MPO: variants seen among roughly 807,000 people sequenced by gnomAD.
The protein encoded by MPO is myeloperoxidase.
MPO carries 57 observed loss-of-function variants against 69.4 expected under a neutral mutation model. The observed-to-expected ratio is 0.82, with a 90% CI of 0.66 to 1.02. The LOEUF (loss-of-function observed/expected upper bound fraction) is 1.02, where lower values mean the gene tolerates loss of function less well. Ranked by LOEUF, MPO falls within the 50% of genes least tolerant of loss-of-function variation. MPO has a pLI of 0.00. For synonymous variants in MPO, 426 were observed against 417.1 expected (o/e 1.02, Z -0.26); for missense variants, 971 against 1,014.1 (o/e 0.96, Z 0.58).
At chr17:58,273,367 C>A (rs1283432099) in intron 9 of MPO, 47 bp downstream of exon 9, 1 of 1,613,674 alleles carries the variant, frequency 6.2e-7, no homozygotes, top group Admixed American at 1.7e-5. Flanking sequence ...ATCCCTACCC[C>A]ACCTTTAGCT....
chr17:58,277,501 C>T (rs1242822713), intron 7 of MPO, among the ~76,000 whole-genome samples: 1 of 152,200 alleles, frequency 6.6e-6, no homozygotes, highest in African/African-American at 2.4e-5. Context: ...CTTTAGTTCC[C>T]TGCCCCTGAG....
At position 58,275,462 on chromosome 17, in the gene MPO, G is replaced by A. The variant is rs1970424453; in HGVS notation, c.1365+80C>T. Reference sequence around the variant, plus strand: ...AGAAGGCAAGGCTCAGGAGCGTTAGGAACTTGCCCAAGGTCACACAGCTAG... The same window carrying A: ...AGAAGGCAAGGCTCAGGAGCGTTAGAAACTTGCCCAAGGTCACACAGCTAG... On this transcript the variant is annotated intron_variant, in intron 8 of 11. Transcript: ENST00000225275. This position sits in a 1 kb window ranked among gnomAD's most constrained non-coding sequence, Gnocchi z 4.1. 7.0e-6 allele frequency: 11 copies of A among 1,580,008 alleles called. No homozygotes were observed. The highest frequency in any genetic ancestry group is 8.7e-6 in the Non-Finnish European group (10 of 1,150,544).
chr17:58,278,756 A>T, intron 6 of MPO: 1 of 589,878 alleles, frequency 1.7e-6, no homozygotes, highest in Non-Finnish European at 3.0e-6. Flanking sequence ...TCAGCCAAGG[A>T]GGAACAACCC....
chr17:58,279,647 C>A lies in MPO; in HGVS notation c.425-1G>T. On this transcript the variant is annotated splice_acceptor_variant, in intron 3 of 11. Coordinates refer to ENST00000225275, the MANE Select transcript of MPO (RefSeq NM_000250.2). LOFTEE classifies it high-confidence loss of function. ...TTCAGCTGGGCGGGCGTCAGCACAT[C>A]TGCCGGGGGAAAGAACAATGGGGGA... 1 of 1,614,126 alleles carries A rather than the reference C, an allele frequency of 6.2e-7. No homozygotes were observed. The highest frequency in any genetic ancestry group is 8.5e-7 in the Non-Finnish European group (1 of 1,180,056).
At position 58,275,794 on chromosome 17, in the gene MPO, A is replaced by G; in HGVS notation, c.1205-92T>C. ...ACCCCCTCCCCAGCCAAGGCCTGAA[A>G]TGCCTCCTACTCACCCCTCCTCCCC... On this transcript the variant is annotated intron_variant, in intron 7 of 11. Transcript: ENST00000225275. The surrounding 1 kb of genome is among the most constrained non-coding windows in gnomAD (Gnocchi z 4.1). The G allele has an allele frequency of 5.4e-6, 8 of 1,472,188 alleles. No individual in the cohort carries two copies. In the South Asian group the frequency reaches 9.5e-5, roughly 18 times the overall value. The allele number at this position is 1,472,188 out of a possible 1,614,324, so 91.2% of individuals were successfully genotyped here. A position where few individuals can be genotyped will look rare whatever the true frequency, so the allele number is the denominator to read the frequency against.
intron 10 of MPO, 65 bp downstream of exon 10, chr17:58,272,683 G>A: frequency 6.4e-7 from 1 of 1,559,354 alleles, no homozygotes; most frequent in Non-Finnish European, 8.7e-7. Flanking sequence ...GAAGGGGGGT[G>A]ATGGGCTACC....
Position 58,273,592 on chromosome 17 carries a change from G to A in MPO, c.1443C>T (p.Ser481=). The A allele has an allele frequency of 6.2e-7, 1 of 1,614,236 alleles. No individual in the cohort carries two copies. Among genetic ancestry groups the A allele is most frequent in the Non-Finnish European group, 8.5e-7 (1 of 1,180,044 alleles). The change falls in exon 9 of 12, where the codon TCC becomes TCT. Residue 481 remains serine (S), a synonymous_variant. Coordinates refer to ENST00000225275, the MANE Select transcript of MPO (RefSeq NM_000250.2). ...TGCGTGGGTCCACTGAGTCATTGTA[G>A]GAACGGTACGTGGGCAGGTACTTCC... is the stretch of plus-strand genomic sequence containing the variant. ...AMRKYLPTYR[S]YNDSVDPRIA...
At position 58,270,781 on chromosome 17, in the gene MPO, C is replaced by T. The variant is rs139752741; in HGVS notation, c.2113G>A (p.Asp705Asn). Residue 705 changes from aspartate to asparagine, a missense_variant, in exon 12 of 12, where the codon GAC becomes AAC. By Grantham distance (23) the Asp-to-Asn change is conservative (BLOSUM62 1). Coordinates refer to ENST00000225275, the MANE Select transcript of MPO (RefSeq NM_000250.2). This position sits in a 1 kb window ranked among gnomAD's most constrained non-coding sequence, Gnocchi z 4.1. ...GACACGGTGGTGATGCCTGTGTTGT[C>T]GCAGATGATCCGGGGCAATGAGATC... is the stretch of plus-strand genomic sequence containing the variant. ...AQISLPRIIC[D>N]NTGITTVSKN... 5.9e-5 allele frequency: 95 copies of T among 1,614,014 alleles called. No individual in the cohort carries two copies. In the African/African-American group the frequency reaches 1.1e-3, roughly 19 times the overall value.
At chr17:58,276,193 C>T (rs572959885) in intron 7 of MPO, among the ~76,000 whole-genome samples, 7 of 152,236 alleles carry the variant, frequency 4.6e-5, no homozygotes, top group African/African-American at 1.7e-4. Flanking sequence ...ACATCCATGC[C>T]CATGTCTGAT....
In MPO at chr17:58,270,602, TCCAACTGGCCAGC is replaced by T; in HGVS notation, c.*41_*53del. ...TCTAGGGCAAGGAGATCTCCGTGGT[TCCAACTGGCCAGC>T]CCAGATATACCCCTCACTGCTGCAC... On this transcript the variant is annotated 3_prime_UTR_variant, in exon 12 of 12. Coordinates refer to ENST00000225275, the MANE Select transcript of MPO (RefSeq NM_000250.2). The surrounding 1 kb of genome is among the most constrained non-coding windows in gnomAD (Gnocchi z 4.1). The T allele has an allele frequency of 6.8e-7, 1 of 1,469,908 alleles. No homozygotes were observed. Among genetic ancestry groups the T allele is most frequent in the Non-Finnish European group, 9.3e-7 (1 of 1,070,914 alleles). The allele number at this position is 1,469,908 out of a possible 1,614,324, so 91.1% of individuals were successfully genotyped here.
intron 9 of MPO, 143 bp downstream of exon 9, chr17:58,273,271 G>A: frequency 7.5e-7 from 1 of 1,329,322 alleles, no homozygotes; most frequent in Non-Finnish European, 1.1e-6. Flanking sequence ...CAGAGTCAGA[G>A]GAACTGAGGC....
Position 58,272,877 on chromosome 17 carries a change from C to T in MPO, c.1663G>A (p.Ala555Thr). The T allele has an allele frequency of 6.2e-7, 1 of 1,614,168 alleles. No homozygotes were observed. Among genetic ancestry groups the T allele is most frequent in the South Asian group, 1.1e-5 (1 of 91,080 alleles). ...ATTTGGTTCTGACGATTCAGCTTGGCAGGGGTGGCCATGAGGCCCCGGAGG... is the reference window on the plus strand; with the variant it reads ...ATTTGGTTCTGACGATTCAGCTTGGTAGGGGTGGCCATGAGGCCCCGGAGG... ...PILRGLMATP[A>T]KLNRQNQIAV... Residue 555 changes from alanine (A) to threonine (T), a missense_variant, in exon 10 of 12, where the codon GCC becomes ACC. Physicochemically the swap from Ala to Thr is moderately conservative, Grantham distance 58 (BLOSUM62 0). Coordinates refer to ENST00000225275, the MANE Select transcript of MPO (RefSeq NM_000250.2).
chr17:58,277,683 GATTAAT>G (rs567885586), intron 7 of MPO, 138 bp downstream of exon 7: 15 of 1,205,362 alleles, frequency 1.2e-5, no homozygotes, highest in Admixed American at 2.0e-5. Flanking sequence ...AAGGCAACTG[GATTAAT>G]ATCATGAAGT....
intron 6 of MPO, 172 bp downstream of exon 6, chr17:58,278,836 C>A (rs1598042550): frequency 1.2e-6 from 1 of 812,704 alleles, no homozygotes; most frequent in South Asian, 1.6e-5. Flanking sequence ...TGAGCCCAGG[C>A]GCAGGAAGGA....
Position 58,272,832 on chromosome 17 carries a change from C to T in MPO, c.1708G>A (p.Glu570Lys). Residue 570 changes from glutamate (E) to lysine (K), a missense_variant, in exon 10 of 12, where the codon GAG (glutamate) becomes AAG (lysine). Transcript: ENST00000225275. ...CTCATGACCTGCTCAAACAATCGCTCCCGGATCTCATCCACTGCAATTTGG... is the reference window on the plus strand; with the variant it reads ...CTCATGACCTGCTCAAACAATCGCTTCCGGATCTCATCCACTGCAATTTGG... ...QNQIAVDEIR[E>K]RLFEQVMRIG... 1.2e-6 allele frequency: 2 copies of T among 1,614,174 alleles called. No individual in the cohort carries two copies. The highest frequency in any genetic ancestry group is 1.3e-5 in the African/African-American group (1 of 75,052).
At position 58,271,860 on chromosome 17, in the gene MPO, G is replaced by A; in HGVS notation, c.1825C>T (p.Pro609Ser). 1.2e-6 allele frequency: 2 copies of A among 1,614,152 alleles called. No homozygotes were observed. The highest frequency in any genetic ancestry group is 8.5e-7 in the Non-Finnish European group (1 of 1,180,036). The change falls in exon 11 of 12, where the codon CCG becomes TCG. Residue 609 changes from proline (P) to serine (S), a missense_variant. Transcript: ENST00000225275. The stretch of plus-strand genomic sequence containing the variant: ...AGCTGGCCCACAGTTTCAGGCTGCG[G>A]GAGCCCACAGAAGCGCCTCCAGGCA... ...YNAWRRFCGL[P>S]QPETVGQLGT...
rs369427300 is a variant in MPO at position 58,277,814 on chromosome 17, C to T, written c.1204+13G>A. ...TCTCCTATGCCACCTCTGGTCCCCA[C>T]CCCAAAGCTGACCTGCCAGGAAGCA... On this transcript the variant is annotated intron_variant, in intron 7 of 11. Coordinates refer to ENST00000225275, the MANE Select transcript of MPO (RefSeq NM_000250.2). The T allele has an allele frequency of 5.1e-5, 82 of 1,600,440 alleles. 1 individual carries two copies. The South Asian group carries it at 7.3e-4, about 14-fold the overall frequency.
intron 7 of MPO, among the ~76,000 whole-genome samples, chr17:58,277,234 G>A (rs111707531): frequency 4.1e-4 from 62 of 152,178 alleles, no homozygotes; most frequent in African/African-American, 1.4e-3. Context: ...ATTAAGATGC[G>A]CAGGAGGGGA....
In MPO at chr17:58,271,646, C is replaced by T. The variant is rs1022116694; in HGVS notation, c.2030+9G>A. 14 of 1,613,406 alleles carry T rather than the reference C, an allele frequency of 8.7e-6. No individual in the cohort carries two copies. Among genetic ancestry groups the T allele is most frequent in the Admixed American group, 6.7e-5 (4 of 60,008 alleles). On this transcript the variant is annotated intron_variant, in intron 11 of 11. Transcript: ENST00000225275. ...CACCCAGCGGCCCACGACGCCTGCC[C>T]CTCCTCACCGATCACCATCCCGGAG...
Sources: gnomAD v4.1 joint callset for allele counts (sites outside exome capture counted in the v4.1 genomes callset) on GRCh38, gnomAD v4.1.1 for gene constraint, Gnocchi (gnomAD v3.1) non-coding constraint, MANE v1.5 for transcripts, NCBI Gene and HGNC (gene_info 2026-07-23, HGNC 2026-07-21) for gene names.